Variants in MAML3 observed in about 807,000 individuals in gnomAD.
The protein encoded by MAML3 is mastermind like transcriptional coactivator 3.
MAML3 carries 27 observed loss-of-function variants against 101.9 expected under a neutral mutation model. That is an observed-to-expected ratio of 0.27 (90% CI 0.20 to 0.37). MAML3 has a LOEUF of 0.37. MAML3 is among the 10% of genes least tolerant of loss of function. MAML3 has a pLI of 1.00. For synonymous variants in MAML3, 501 were observed against 555.9 expected, an observed-to-expected ratio of 0.90 and a Z score of 1.39; for missense variants, 1,316 against 1,444.9, an observed-to-expected ratio of 0.91 and a Z score of 1.45.
At chr4:139,724,805 C>T (rs950224315) in intron 4 of MAML3, among the ~76,000 whole-genome samples, 12 of 147,848 alleles carry the variant, frequency 8.1e-5, no homozygotes, top group Non-Finnish European at 1.0e-4. Flanking sequence ...GACAGAGTCT[C>T]GCTCTGTTGC....
intron 2 of MAML3, among the ~76,000 whole-genome samples, chr4:139,827,824 A>T (rs1731091487): frequency 6.6e-6 from 1 of 152,222 alleles, no homozygotes; most frequent in Admixed American, 6.5e-5. Flanking sequence ...GCTGATAATA[A>T]TTCTATTTGG....
rs534333913 is a variant in MAML3 at position 139,771,975 on chromosome 4, C to A, written c.2080-41308G>T. On this transcript the variant is annotated intron_variant, in intron 2 of 4. Transcript: ENST00000509479. Reference sequence around the variant, plus strand: ...AAAAAAAAGTCCGGGCGCGGTGGCTCACGCCTGTAATCCCAGCACTTTGGG... The same window carrying A: ...AAAAAAAAGTCCGGGCGCGGTGGCTAACGCCTGTAATCCCAGCACTTTGGG... 5.6e-4 allele frequency among the ~76,000 whole-genome samples: 84 copies of A among 149,602 alleles called. 1 individual carries two copies. In the East Asian group the frequency reaches 0.013, roughly 23 times the overall value.
intron 1 of MAML3, among the ~76,000 whole-genome samples, chr4:139,975,937 G>T (rs1182671296): frequency 6.6e-6 from 1 of 152,106 alleles, no homozygotes; most frequent in Admixed American, 6.5e-5. Context: ...AGAATGTTAG[G>T]GGCAAAAGAG....
chr4:140,121,793 A>T (rs1728610056), intron 1 of MAML3, among the ~76,000 whole-genome samples: 1 of 152,216 alleles, frequency 6.6e-6, no homozygotes, highest in Non-Finnish European at 1.5e-5. Flanking sequence ...AGTGCATGAT[A>T]TGGTTTGGCT....
At chr4:139,863,988 G>A (rs1731843331) in intron 2 of MAML3, among the ~76,000 whole-genome samples, 1 of 151,752 alleles carries the variant, frequency 6.6e-6, no homozygotes, top group African/African-American at 2.4e-5. Context: ...TTCATTAGTG[G>A]GCACATCTTC....
chr4:139,780,101 A>G (rs1158962943), intron 2 of MAML3, among the ~76,000 whole-genome samples: 2 of 152,248 alleles, frequency 1.3e-5, no homozygotes, highest in African/African-American at 4.8e-5. Context: ...TTACATTTAA[A>G]TTTAATAAAA....
intron 1 of MAML3, among the ~76,000 whole-genome samples, chr4:140,046,167 C>T: frequency 6.6e-6 from 1 of 152,306 alleles, no homozygotes; most frequent in East Asian, 1.9e-4. Flanking sequence ...GTTACTAGTT[C>T]TGACAAATAA....
At chr4:139,973,542 A>G (rs1734267208) in intron 1 of MAML3, among the ~76,000 whole-genome samples, 1 of 152,170 alleles carries the variant, frequency 6.6e-6, no homozygotes, top group African/African-American at 2.4e-5. Flanking sequence ...TTGAGCAGTT[A>G]TTACTGGAAG....
At chr4:139,994,402 C>T (rs1344360067) in intron 1 of MAML3, among the ~76,000 whole-genome samples, 1 of 152,180 alleles carries the variant, frequency 6.6e-6, no homozygotes, top group Non-Finnish European at 1.5e-5. Flanking sequence ...CAGTGGCTCA[C>T]GTCTGTAACC....
At chr4:140,046,805 TA>T (rs1003648017) in intron 1 of MAML3, among the ~76,000 whole-genome samples, 18 of 150,590 alleles carry the variant, frequency 1.2e-4, no homozygotes, top group South Asian at 4.2e-4. Context: ...GGGGGAGGGG[TA>T]GGGGGGACTG....
At chr4:139,846,359 A>G (rs977644881) in intron 2 of MAML3, among the ~76,000 whole-genome samples, 2 of 152,032 alleles carry the variant, frequency 1.3e-5, no homozygotes, top group African/African-American at 4.8e-5. Flanking sequence ...ATTTATTTTA[A>G]TTTGTGAGAC....
chr4:139,967,675 T>G (rs1734161478), intron 1 of MAML3, among the ~76,000 whole-genome samples: 1 of 152,008 alleles, frequency 6.6e-6, no homozygotes, highest in African/African-American at 2.4e-5. Flanking sequence ...GCAAGCAAAT[T>G]ACAAAATCAT....
intron 1 of MAML3, among the ~76,000 whole-genome samples, chr4:140,027,403 C>G (rs1726843825): frequency 6.6e-6 from 1 of 152,230 alleles, no homozygotes; most frequent in African/African-American, 2.4e-5. Flanking sequence ...GTTGTTTGCA[C>G]TCTGTCTGCT....
rs1385083507 is a variant in MAML3 at position 140,122,239 on chromosome 4, T to TTA, written c.468+30620_468+30621insTA. On this transcript the variant is annotated intron_variant, in intron 1 of 4. Transcript: ENST00000509479. ...ACGAGACTTTTTTTTTTTTTTTTTTTAAACAGAGTTTCGCTTTTGTCCCCC... is the reference window on the plus strand; with the variant it reads ...ACGAGACTTTTTTTTTTTTTTTTTTTTAAAACAGAGTTTCGCTTTTGTCCCCC... 3.7e-3 allele frequency among the ~76,000 whole-genome samples: 556 copies of TTA among 150,250 alleles called. 5 individuals carry two copies. The highest frequency in any genetic ancestry group is 0.01 in the Middle Eastern group (3 of 292).
At chr4:140,098,096 A>G (rs780832015) in intron 1 of MAML3, among the ~76,000 whole-genome samples, 8 of 152,240 alleles carry the variant, frequency 5.3e-5, no homozygotes, top group Non-Finnish European at 1.2e-4. Context: ...TGCTCGGTCC[A>G]GGGAGTTCTT....
intron 2 of MAML3, among the ~76,000 whole-genome samples, chr4:139,842,496 C>T (rs1015884549): frequency 4.0e-5 from 6 of 151,088 alleles, no homozygotes; most frequent in Non-Finnish European, 8.8e-5. Flanking sequence ...TTCCCACAAT[C>T]CTAGAAAGGA....
intron 1 of MAML3, among the ~76,000 whole-genome samples, chr4:140,063,035 A>G (rs1727472921): frequency 6.6e-6 from 1 of 152,164 alleles, no homozygotes. Flanking sequence ...TTTTATATAC[A>G]TTATTTACTT....
intron 2 of MAML3, among the ~76,000 whole-genome samples, chr4:139,790,001 G>A (rs886468421): frequency 6.6e-6 from 1 of 151,890 alleles, no homozygotes; most frequent in Non-Finnish European, 1.5e-5. Flanking sequence ...GGGAATGTAG[G>A]ACATTCAGAC....
intron 2 of MAML3, among the ~76,000 whole-genome samples, chr4:139,886,273 G>T (rs951048334): frequency 1.3e-5 from 2 of 151,892 alleles, no homozygotes; most frequent in Non-Finnish European, 2.9e-5. Flanking sequence ...ATTCAACTAA[G>T]AATTTTTTTA....
Sources: gnomAD v4.1 joint callset for allele counts (sites outside exome capture counted in the v4.1 genomes callset) on GRCh38, gnomAD v4.1.1 for gene constraint, MANE v1.5 for transcripts, NCBI Gene and HGNC (gene_info 2026-07-23, HGNC 2026-07-21) for gene names.